Variants in LGSN observed in about 807,000 individuals in gnomAD.
The protein encoded by LGSN is lengsin.
LGSN carries 21 observed loss-of-function variants against 19.5 expected under a neutral mutation model. The ratio of observed to expected loss-of-function variants is 1.07; its 90% CI spans 0.76 to 1.55. The LOEUF is 1.55. LGSN is among the 40% of genes most tolerant of loss of function. The pLI is 0.00. For synonymous variants in LGSN, 257 were observed against 215.6 expected, an observed-to-expected ratio of 1.19 and a Z score of -1.68; for missense variants, 673 against 608.5, an observed-to-expected ratio of 1.11 and a Z score of -1.12.
At chr6:63,296,382 G>T (rs1357958922) in intron 1 of LGSN, among the ~76,000 whole-genome samples, 1 of 151,560 alleles carries the variant, frequency 6.6e-6, no homozygotes, top group East Asian at 1.9e-4. Flanking sequence ...ATAGAATCTG[G>T]CAGAAATATA....
At chr6:63,482,782 C>G in the LGSN span, among the ~76,000 whole-genome samples, 7 of 152,138 alleles carry the variant, frequency 4.6e-5, no homozygotes, top group East Asian at 1.3e-3. Flanking sequence ...CTCGCTGCAA[C>G]CTCCACCTTC....
the LGSN span, among the ~76,000 whole-genome samples, chr6:63,412,055 G>C: frequency 6.6e-6 from 1 of 152,024 alleles, no homozygotes; most frequent in Non-Finnish European, 1.5e-5. Flanking sequence ...GAATTTTCAG[G>C]ATTGTTTTTA....
chr6:63,324,662 T>G (rs1234238504), upstream of LGSN, among the ~76,000 whole-genome samples: 2 of 152,024 alleles, frequency 1.3e-5, no homozygotes, highest in Non-Finnish European at 2.9e-5. Flanking sequence ...TGCTCCTGAA[T>G]GGTCACTGGG....
the LGSN span, among the ~76,000 whole-genome samples, chr6:63,554,253 G>A: frequency 1.3e-5 from 2 of 152,084 alleles, no homozygotes; most frequent in Admixed American, 6.6e-5. Context: ...CTCTATTCTT[G>A]TCAAGCTTCT....
chr6:63,490,573 A>G, the LGSN span, among the ~76,000 whole-genome samples: 1 of 151,772 alleles, frequency 6.6e-6, no homozygotes, highest in African/African-American at 2.4e-5. Flanking sequence ...TTTATTTTTT[A>G]TTTATTATTA....
chr6:63,509,296 C>T, the LGSN span, among the ~76,000 whole-genome samples: 3 of 151,982 alleles, frequency 2.0e-5, no homozygotes, highest in Non-Finnish European at 4.4e-5. Flanking sequence ...AACTCCTGAC[C>T]TCAGGTGATC....
chr6:63,419,880 CAAAAAAAAAAAAAAAAAAAAA>C, the LGSN span, among the ~76,000 whole-genome samples: 199 of 57,306 alleles, frequency 3.5e-3, 1 homozygote, highest in African/African-American at 0.014. Flanking sequence ...AACTCCCTCC[CAAAAAAAAAAAAAAAAAAAAA>C]AAAAAAAAAA....
chr6:63,470,460 C>T, the LGSN span, among the ~76,000 whole-genome samples: 1 of 136,100 alleles, frequency 7.3e-6, no homozygotes, highest in African/African-American at 2.8e-5. Context: ...GTTGACAGAG[C>T]AAGACTGTCT....
chr6:63,502,592 T>C, the LGSN span, among the ~76,000 whole-genome samples: 6 of 152,216 alleles, frequency 3.9e-5, no homozygotes, highest in Non-Finnish European at 8.8e-5. Flanking sequence ...ATGATACAGA[T>C]GGAATGTGAC....
chr6:63,408,462 A>G, the LGSN span, among the ~76,000 whole-genome samples: 548 of 145,392 alleles, frequency 3.8e-3, 4 homozygotes, highest in Non-Finnish European at 3.8e-3. Flanking sequence ...GGTGCTGGGA[A>G]AACTGGCTAG....
At chr6:63,520,621 A>T in the LGSN span, among the ~76,000 whole-genome samples, 1 of 145,372 alleles carries the variant, frequency 6.9e-6, no homozygotes, top group African/African-American at 2.6e-5. Context: ...ACAGAGTGAG[A>T]CTCTGTCTCA....
chr6:63,420,084 T>C, the LGSN span, among the ~76,000 whole-genome samples: 1 of 150,926 alleles, frequency 6.6e-6, no homozygotes, highest in Admixed American at 6.6e-5. Context: ...GCTCCTGTAG[T>C]CCCAGCTACT....
At chr6:63,566,859 A>G in the LGSN span, among the ~76,000 whole-genome samples, 10 of 152,190 alleles carry the variant, frequency 6.6e-5, no homozygotes, top group African/African-American at 2.4e-4. Flanking sequence ...AAACTCACCC[A>G]CTGCTTTATC....
chr6:63,339,657 A>G, the LGSN span, among the ~76,000 whole-genome samples: 1 of 151,934 alleles, frequency 6.6e-6, no homozygotes, highest in Non-Finnish European at 1.5e-5. Flanking sequence ...TTAATTGGGG[A>G]ATTTAAACCA....
At chr6:63,459,051 G>A in the LGSN span, among the ~76,000 whole-genome samples, 1 of 152,148 alleles carries the variant, frequency 6.6e-6, no homozygotes, top group Non-Finnish European at 1.5e-5. Context: ...ACTTGCTTTA[G>A]AGTGTTTTCC....
chr6:63,498,203 C>T, the LGSN span, among the ~76,000 whole-genome samples: 1 of 151,984 alleles, frequency 6.6e-6, no homozygotes, highest in African/African-American at 2.4e-5. Context: ...CAGACGTGAG[C>T]CACCGCATCC....
the LGSN span, among the ~76,000 whole-genome samples, chr6:63,444,230 A>C: frequency 6.6e-6 from 1 of 152,292 alleles, no homozygotes; most frequent in South Asian, 2.1e-4. Context: ...TCAAAAAAAA[A>C]ATAGATATGG....
chr6:63,523,180 T>C, the LGSN span, among the ~76,000 whole-genome samples: 176 of 149,898 alleles, frequency 1.2e-3, 1 homozygote, highest in African/African-American at 4.0e-3. Flanking sequence ...CACTCTTTTA[T>C]TTTTTTTTAC....
chr6:63,451,069 AAATTT>A, the LGSN span, among the ~76,000 whole-genome samples: 1 of 152,238 alleles, frequency 6.6e-6, no homozygotes, highest in African/African-American at 2.4e-5. Context: ...TGATTAAAAT[AAATTT>A]AAGATTAAAA....
Sources: allele counts gnomAD v4.1 joint callset (sites outside exome capture counted in the v4.1 genomes callset), GRCh38; gene constraint gnomAD v4.1.1; transcripts MANE v1.5; gene names NCBI Gene and HGNC (gene_info 2026-07-23, HGNC 2026-07-21).